Variants in FSTL4 observed in about 807,000 individuals in gnomAD.
The protein encoded by FSTL4 is follistatin-related protein 4.
A neutral mutation model predicts 78.2 loss-of-function variants in FSTL4; 28 were observed. That is an observed-to-expected ratio of 0.36 (90% confidence interval 0.27 to 0.49). FSTL4 has a LOEUF of 0.49. Among genes scored for constraint, FSTL4 ranks in the 20% least tolerant of loss-of-function variants. The pLI is 0.98. For synonymous variants in FSTL4, 422 were observed against 440.5 expected (o/e 0.96, Z 0.53); for missense variants, 922 against 1,084.9 (o/e 0.85, Z 2.11).
intron 4 of FSTL4, among the ~76,000 whole-genome samples, chr5:133,380,102 A>G (rs1266266724): frequency 6.6e-6 from 1 of 152,064 alleles, no homozygotes; most frequent in Admixed American, 6.6e-5. Context: ...ATTTCAAATC[A>G]ATAACCTAAT....
At chr5:133,789,278 A>G in the FSTL4 span, among the ~76,000 whole-genome samples, 8,177 of 152,320 alleles carry the variant, frequency 0.054, 746 homozygotes, top group African/African-American at 0.19. Flanking sequence ...GGCCTTGTCA[A>G]ATAAATTAGG....
the FSTL4 span, among the ~76,000 whole-genome samples, chr5:133,643,157 T>G: frequency 8.5e-5 from 13 of 152,308 alleles, no homozygotes; most frequent in East Asian, 2.1e-3. Flanking sequence ...GAACTCAGCT[T>G]TAAAGCATAC....
chr5:133,372,163 C>G lies in FSTL4; in HGVS notation c.409+28575G>C, dbSNP rs535411215. Among the ~76,000 whole-genome samples, 295 of 152,300 alleles carry G rather than the reference C, an allele frequency of 1.9e-3. 1 individual carries two copies. The highest frequency in any genetic ancestry group is 2.2e-3 in the Non-Finnish European group (149 of 68,024). ...TTTGGAGACAGTTTTCATGTTTCTC[C>G]CGCCAGGGAGATAATGCTTCATGCT... On this transcript the variant is annotated intron_variant, in intron 4 of 15. Coordinates refer to ENST00000265342, the MANE Select transcript of FSTL4 (RefSeq NM_015082.2).
intron 3 of FSTL4, among the ~76,000 whole-genome samples, chr5:133,483,732 AG>A (rs1329763925): frequency 2.0e-4 from 30 of 152,310 alleles, no homozygotes; most frequent in Admixed American, 1.8e-3. Context: ...GTAGGTCTCC[AG>A]GGCAGGTAGG....
chr5:133,212,994 T>C (rs377432214), intron 13 of FSTL4, among the ~76,000 whole-genome samples: 50 of 150,992 alleles, frequency 3.3e-4, no homozygotes, highest in African/African-American at 1.2e-3. Flanking sequence ...CTATACTCAG[T>C]GAAGAATAGA....
the FSTL4 span, among the ~76,000 whole-genome samples, chr5:133,636,074 A>G: frequency 6.6e-6 from 1 of 152,178 alleles, no homozygotes; most frequent in Non-Finnish European, 1.5e-5. Flanking sequence ...TAGTCCCTCA[A>G]TAAATGTATG....
the FSTL4 span, among the ~76,000 whole-genome samples, chr5:133,685,073 T>C: frequency 1.3e-5 from 2 of 152,164 alleles, no homozygotes; most frequent in Admixed American, 1.3e-4. Context: ...ACAGGGCCTG[T>C]CCAGCCTTGG....
chr5:133,275,907 A>G (rs1581586521), intron 6 of FSTL4: 1 of 152,246 alleles, frequency 6.6e-6, no homozygotes, highest in East Asian at 1.9e-4. Flanking sequence ...GTCAGCCGTG[A>G]GCGCTGATTT....
intron 6 of FSTL4, among the ~76,000 whole-genome samples, chr5:133,255,809 G>C (rs1752366806): frequency 6.6e-6 from 1 of 152,160 alleles, no homozygotes; most frequent in Admixed American, 6.5e-5. Context: ...GAAAGCAGGA[G>C]GCCATAACAT....
intron 11 of FSTL4, among the ~76,000 whole-genome samples, chr5:133,223,319 G>C (rs1751214293): frequency 6.6e-6 from 1 of 152,222 alleles, no homozygotes; most frequent in Non-Finnish European, 1.5e-5. Flanking sequence ...AAATTGTTCT[G>C]AGTATGTGTC....
chr5:133,820,226 C>A, the FSTL4 span, among the ~76,000 whole-genome samples: 1 of 152,202 alleles, frequency 6.6e-6, no homozygotes, highest in Admixed American at 6.5e-5. Flanking sequence ...TGGGAGGGTC[C>A]AGCTGTCACG....
chr5:133,636,032 A>G, the FSTL4 span, among the ~76,000 whole-genome samples: 2 of 152,028 alleles, frequency 1.3e-5, no homozygotes, highest in African/African-American at 4.8e-5. Flanking sequence ...CATCATTATA[A>G]CCCAGGGCCC....
intron 6 of FSTL4, among the ~76,000 whole-genome samples, chr5:133,311,993 G>T (rs1203966604): frequency 6.6e-6 from 1 of 152,126 alleles, no homozygotes; most frequent in Admixed American, 6.5e-5. Flanking sequence ...TGTAAGTCCT[G>T]TCCCAGCACC....
At chr5:133,271,051 G>C (rs1752755660) in intron 6 of FSTL4, among the ~76,000 whole-genome samples, 1 of 152,194 alleles carries the variant, frequency 6.6e-6, no homozygotes, top group South Asian at 2.1e-4. Flanking sequence ...GCCTGAGTTG[G>C]GCCAGATGGA....
chr5:133,407,023 G>A (rs1756380344), intron 3 of FSTL4, among the ~76,000 whole-genome samples: 1 of 152,186 alleles, frequency 6.6e-6, no homozygotes, highest in African/African-American at 2.4e-5. Flanking sequence ...CATGCCTGGA[G>A]GATCTAGATG....
the FSTL4 span, among the ~76,000 whole-genome samples, chr5:133,643,924 A>T: frequency 3.3e-5 from 5 of 151,328 alleles, no homozygotes; most frequent in East Asian, 7.8e-4. Context: ...AGACATAAGG[A>T]TGGGATGAAA....
At chr5:133,533,514 G>A (rs1759294527) in intron 3 of FSTL4, among the ~76,000 whole-genome samples, 1 of 152,142 alleles carries the variant, frequency 6.6e-6, no homozygotes, top group Admixed American at 6.5e-5. Flanking sequence ...CCAAAGTGCT[G>A]GGATTACAGG....
the FSTL4 span, among the ~76,000 whole-genome samples, chr5:133,804,901 C>A: frequency 2.0e-5 from 3 of 148,226 alleles, no homozygotes; most frequent in Non-Finnish European, 3.0e-5. Context: ...CCAAATCGTG[C>A]CACTGCACTC....
At chr5:133,663,213 A>C in the FSTL4 span, among the ~76,000 whole-genome samples, 12 of 152,214 alleles carry the variant, frequency 7.9e-5, no homozygotes, top group Non-Finnish European at 1.3e-4. Context: ...ACACACACAC[A>C]CACGAATACA....
Sources: gnomAD v4.1 joint callset for allele counts (sites outside exome capture counted in the v4.1 genomes callset) on GRCh38, gnomAD v4.1.1 for gene constraint, MANE v1.5 for transcripts, NCBI Gene and HGNC (gene_info 2026-07-23, HGNC 2026-07-21) for gene names.